The following MPHOSPH8 variants were observed in gnomAD, a reference collection of about 807,000 sequenced individuals.
MPHOSPH8 encodes M-phase phosphoprotein 8, also known as M-phase phosphoprotein, mpp.
In MPHOSPH8, 45 loss-of-function variants were observed where a neutral mutation model predicts 87.3. The observed-to-expected ratio is 0.52, with a 90% CI of 0.41 to 0.66. The LOEUF (loss-of-function observed/expected upper bound fraction) is 0.66. Ranked by LOEUF, MPHOSPH8 falls within the 30% of genes least tolerant of loss-of-function variation. The probability of loss-of-function intolerance (pLI) is 0.00; values close to 1 mark genes in which losing one functional copy is unlikely to be tolerated. For synonymous variants in MPHOSPH8, 366 were observed against 376.9 expected (o/e 0.97, Z 0.33); for missense variants, 883 against 1,020.2 (o/e 0.87, Z 1.83).
chr13:19,634,248 G>A (rs544960595), intron 1 of MPHOSPH8, among the ~76,000 whole-genome samples: 1 of 152,316 alleles, frequency 6.6e-6, no homozygotes, highest in Admixed American at 6.5e-5. Context: ...GCAGGCAGCT[G>A]GTGAAGGGAG....
In MPHOSPH8 at chr13:19,650,466, TA is replaced by T. The variant is rs568982126; in HGVS notation, c.1576+208del. The T allele has an allele frequency of 5.0e-3, 2,549 of 512,244 alleles. 7 individuals are homozygous for T. Among genetic ancestry groups the T allele is most frequent in the Non-Finnish European group, 7.4e-3 (2,244 of 303,550 alleles). 31.7% of individuals were successfully genotyped at this position (512,244 alleles called of 1,614,324 possible). A position where few individuals can be genotyped will look rare whatever the true frequency, so the allele number is the denominator to read the frequency against. The stretch of plus-strand genomic sequence containing the variant: ...ATCAAACAATTTTTCTGAGTTCCTA[TA>T]ATGTTCTCAGCACGTATAGAAATTA... On this transcript the variant is annotated intron_variant, in intron 5 of 13. Coordinates refer to ENST00000361479, the MANE Select transcript of MPHOSPH8 (RefSeq NM_017520.4).
At chr13:19,635,850 A>G (rs2137491665) in intron 1 of MPHOSPH8, among the ~76,000 whole-genome samples, 1 of 152,196 alleles carries the variant, frequency 6.6e-6, no homozygotes, top group South Asian at 2.1e-4. Flanking sequence ...CCCATGTGTC[A>G]AGGGCGCGAC....
intron 2 of MPHOSPH8, 57 bp from the exon 3 acceptor site, chr13:19,646,386 C>G (rs902794504): frequency 7.7e-7 from 1 of 1,303,202 alleles, no homozygotes; most frequent in African/African-American, 1.5e-5. Flanking sequence ...TACTACTTTT[C>G]AAAACCTTTA....
chr13:19,666,612 C>T, intron 10 of MPHOSPH8, 33 bp downstream of exon 10: 1 of 1,545,898 alleles, frequency 6.5e-7, no homozygotes, highest in Non-Finnish European at 8.8e-7. Context: ...ATAGTTAAGT[C>T]ACATATCATA....
intron 8 of MPHOSPH8, 137 bp from the exon 9 acceptor site, chr13:19,662,903 C>T (rs1281349232): frequency 3.0e-5 from 22 of 735,228 alleles, no homozygotes; most frequent in East Asian, 8.1e-5. Flanking sequence ...CGTGGCCCCA[C>T]GGGAATGCTG....
intron 1 of MPHOSPH8, 73 bp from the exon 2 acceptor site, chr13:19,642,042 T>TTC: frequency 1.0e-6 from 1 of 969,044 alleles, no homozygotes; most frequent in Non-Finnish European, 1.3e-6. Context: ...TCTCATCAGT[T>TTC]TTTTTTTTTT....
chr13:19,642,364 C>A, intron 2 of MPHOSPH8, 94 bp downstream of exon 2: 1 of 1,067,342 alleles, frequency 9.4e-7, no homozygotes, highest in Non-Finnish European at 1.3e-6. Context: ...TTACAAATAA[C>A]AAAGTGTACC....
chr13:19,670,246 C>A lies in MPHOSPH8; in HGVS notation c.2340C>A (p.Ile780=), dbSNP rs1365287757. ...PPQNIPEGSG[I]LLFIFHANFL... is the part of the protein sequence containing the mutation. ...ATCTCCCATTTTCAGGCTCTGGCAT[C>A]CTGCTGTTTATCTTCCATGCAAACT... Residue 780 remains isoleucine (I), a synonymous_variant, in exon 12 of 14, where the codon ATC becomes ATA. Coordinates refer to ENST00000361479, the MANE Select transcript of MPHOSPH8 (RefSeq NM_017520.4). The A allele has an allele frequency of 6.2e-7, 1 of 1,614,130 alleles. No homozygotes were observed. Among genetic ancestry groups the A allele is most frequent in the Admixed American group, 1.7e-5 (1 of 60,032 alleles).
intron 1 of MPHOSPH8, among the ~76,000 whole-genome samples, chr13:19,635,397 G>C (rs1015036623): frequency 2.0e-5 from 3 of 152,130 alleles, no homozygotes; most frequent in Non-Finnish European, 4.4e-5. Flanking sequence ...GCGAGGTAGC[G>C]GGCGCCAGTA....
chr13:19,658,930 A>G, intron 5 of MPHOSPH8, 65 bp from the exon 6 acceptor site: 2 of 1,573,312 alleles, frequency 1.3e-6, no homozygotes, highest in Non-Finnish European at 8.6e-7. Context: ...AAATTTCATA[A>G]ACAACATTGT....
intron 9 of MPHOSPH8, among the ~76,000 whole-genome samples, chr13:19,663,649 T>C (rs1875668569): frequency 6.6e-6 from 1 of 152,194 alleles, no homozygotes; most frequent in South Asian, 2.1e-4. Flanking sequence ...GGTCAGCAGT[T>C]TGGCATTTGT....
intron 9 of MPHOSPH8, among the ~76,000 whole-genome samples, chr13:19,665,144 G>A (rs1043086311): frequency 2.6e-5 from 4 of 152,154 alleles, no homozygotes; most frequent in African/African-American, 7.2e-5. Context: ...AGGGCGTGGC[G>A]TTTCTTCCCT....
chr13:19,642,560 A>G (rs1874355322), intron 2 of MPHOSPH8, among the ~76,000 whole-genome samples: 1 of 152,214 alleles, frequency 6.6e-6, no homozygotes, highest in African/African-American at 2.4e-5. Context: ...GAGACATGCC[A>G]AACTATCATT....
intron 11 of MPHOSPH8, among the ~76,000 whole-genome samples, chr13:19,669,289 C>T (rs1423163595): frequency 3.3e-5 from 5 of 151,812 alleles, no homozygotes; most frequent in East Asian, 3.9e-4. Context: ...TCAAGTGATC[C>T]GCCTGCCTCA....
Position 19,646,631 on chromosome 13 carries a change from G to A in MPHOSPH8, c.558G>A (p.Leu186=). ...GKLKDKSKPD[L]ESSLESLVFD... is the part of the protein sequence containing the mutation. ...TAAAAGACAAGTCCAAACCAGACCT[G>A]GAGAGCTCCTTGGAAAGTTTAGTTT... The change falls in exon 3 of 14, where the codon CTG becomes CTA. Residue 186 remains leucine (L), a synonymous_variant. Transcript: ENST00000361479. 5 of 1,587,196 alleles carry A rather than the reference G, an allele frequency of 3.2e-6. No individual in the cohort carries two copies. The highest frequency in any genetic ancestry group is 3.4e-6 in the Non-Finnish European group (4 of 1,173,872).
intron 11 of MPHOSPH8, among the ~76,000 whole-genome samples, chr13:19,669,336 C>T (rs963957759): frequency 6.6e-6 from 1 of 151,356 alleles, no homozygotes; most frequent in Non-Finnish European, 1.5e-5. Flanking sequence ...CGTGAGCCAC[C>T]GTGCGCGTTC....
At chr13:19,640,780 A>G (rs1234729105) in intron 1 of MPHOSPH8, among the ~76,000 whole-genome samples, 1 of 152,076 alleles carries the variant, frequency 6.6e-6, no homozygotes, top group Non-Finnish European at 1.5e-5. Context: ...AGCTTTATTT[A>G]TAAGTACAAA....
In MPHOSPH8 at chr13:19,642,065, A is replaced by C. The variant is rs764948182; in HGVS notation, c.214-50A>C. The C allele has an allele frequency of 6.0e-6, 5 of 837,818 alleles. No homozygotes were observed. The East Asian group carries it at 1.9e-4, about 32-fold the overall frequency. 51.9% of individuals were successfully genotyped at this position (837,818 alleles called of 1,614,324 possible). A position where few individuals can be genotyped will look rare whatever the true frequency, so the allele number is the denominator to read the frequency against. On this transcript the variant is annotated intron_variant, in intron 1 of 13. Coordinates refer to ENST00000361479, the MANE Select transcript of MPHOSPH8 (RefSeq NM_017520.4). ...GTTTTTTTTTTTTTTTTGGAAATTT[A>C]ATCAAGTTAGCAATCTGCTTTATTT...
At position 19,639,790 on chromosome 13, in the gene MPHOSPH8, G is replaced by A. The variant is rs17085168; in HGVS notation, c.214-2325G>A. Among the ~76,000 whole-genome samples the A allele has an allele frequency of 9.2e-3, 1,398 of 152,136 alleles. 27 individuals carry two copies. The highest frequency in any genetic ancestry group is 0.032 in the African/African-American group (1,322 of 41,522). Reference sequence around the variant, plus strand: ...CAGATGCATTGCCAAATCCAAAGTCGTGAAAACTTATTCCTGTGTTAAGAA... The same window carrying A: ...CAGATGCATTGCCAAATCCAAAGTCATGAAAACTTATTCCTGTGTTAAGAA... On this transcript the variant is annotated intron_variant, in intron 1 of 13. Transcript: ENST00000361479.
Sources: gnomAD v4.1 joint callset for allele counts (sites outside exome capture counted in the v4.1 genomes callset) on GRCh38, gnomAD v4.1.1 for gene constraint, MANE v1.5 for transcripts, NCBI Gene and HGNC (gene_info 2026-07-23, HGNC 2026-07-21) for gene names.